Variants in BOD1 observed in about 807,000 individuals in gnomAD.
BOD1 encodes biorientation of chromosomes in cell division protein 1.
Under a neutral mutation model 15.7 loss-of-function variants are expected in BOD1, and 11 were observed. The ratio of observed to expected loss-of-function variants is 0.70; its 90% CI spans 0.44 to 1.16. BOD1 has a LOEUF of 1.16. Ranked by LOEUF, BOD1 falls within the 50% of genes most tolerant of loss-of-function variation. The probability of loss-of-function intolerance (pLI) is 0.00; values close to 1 mark genes in which losing one functional copy is unlikely to be tolerated. For missense variants in BOD1, 182 were observed against 244.5 expected (o/e 0.74, Z 1.70); for synonymous variants, 105 against 103.5 (o/e 1.01, Z -0.09).
Position 173,608,216 on chromosome 5 carries a change from A to G in BOD1, c.*78T>C. Reference sequence around the variant, plus strand: ...TCAGTGACGACCTTGGCCTATCTTCAGTCTGAAGTTGCACTCTTATGTAAC... The same window carrying G: ...TCAGTGACGACCTTGGCCTATCTTCGGTCTGAAGTTGCACTCTTATGTAAC... On this transcript the variant is annotated 3_prime_UTR_variant, in exon 4 of 4. Transcript: ENST00000311086. The G allele has an allele frequency of 6.4e-7, 1 of 1,559,342 alleles. No homozygotes were observed. The highest frequency in any genetic ancestry group is 1.1e-5 in the South Asian group (1 of 89,788).
chr5:173,616,248 G>T lies in BOD1; in HGVS notation c.189C>A (p.Gly63=). The T allele has an allele frequency of 6.4e-7, 1 of 1,571,680 alleles. No individual in the cohort carries two copies. Residue 63 remains glycine, a synonymous_variant, in exon 1 of 4, where the codon GGC becomes GGA. Coordinates refer to ENST00000311086, the MANE Select transcript of BOD1 (RefSeq NM_138369.3). ...ALIVEQLKSR[G]LFDSFRRDCL... Reference sequence around the variant, plus strand: ...AGTCCCGGCGGAAGCTGTCAAAAAGGCCCCGGCTCTTGAGCTGCTCCACGA... The same window carrying T: ...AGTCCCGGCGGAAGCTGTCAAAAAGTCCCCGGCTCTTGAGCTGCTCCACGA...
At position 173,613,183 on chromosome 5, in the gene BOD1, G is replaced by C; in HGVS notation, c.310C>G (p.Pro104Ala). 6.2e-7 allele frequency: 1 copy of C among 1,614,154 alleles called. No homozygotes were observed. The highest frequency in any genetic ancestry group is 8.5e-7 in the Non-Finnish European group (1 of 1,180,008). ...STHLDKQEWNPTMNKNQLRNG... is the reference protein window; with the variant it reads ...STHLDKQEWNATMNKNQLRNG... ...CGCAACTGGTTTTTGTTCATCGTAG[G>C]ATTCCATTCCTGCTTGTCCAGATGT... The change falls in exon 2 of 4, where the codon CCT (proline) becomes GCT (alanine). Residue 104 changes from proline to alanine, a missense_variant. By Grantham distance (27) the Pro-to-Ala change is conservative (BLOSUM62 -1). Coordinates refer to ENST00000311086, the MANE Select transcript of BOD1 (RefSeq NM_138369.3).
rs114719008 is a variant in BOD1, at chr5:173,609,713, A to C, written c.363-279T>G. 654 of 371,958 alleles carry C rather than the reference A, an allele frequency of 1.8e-3. 8 individuals carry two copies. The highest frequency in any genetic ancestry group is 0.012 in the African/African-American group (599 of 49,140). 23.0% of individuals were successfully genotyped at this position (371,958 alleles called of 1,614,324 possible). Reference sequence around the variant, plus strand: ...AAAACAAAACTAAGTGAGTTGCTCCAAAACAACAAACAAATGACAGCATGG... The same window carrying C: ...AAAACAAAACTAAGTGAGTTGCTCCCAAACAACAAACAAATGACAGCATGG... On this transcript the variant is annotated intron_variant, in intron 2 of 3. Coordinates refer to ENST00000311086, the MANE Select transcript of BOD1 (RefSeq NM_138369.3).
intron 2 of BOD1, among the ~76,000 whole-genome samples, chr5:173,610,326 G>A (rs1271842117): frequency 6.6e-6 from 1 of 152,224 alleles, no homozygotes; most frequent in Non-Finnish European, 1.5e-5. Context: ...AATAGGCTGG[G>A]CAGCAAGTGG....
chr5:173,615,473 T>A (rs1397514455), intron 1 of BOD1, among the ~76,000 whole-genome samples: 2 of 152,248 alleles, frequency 1.3e-5, no homozygotes, highest in African/African-American at 4.8e-5. Context: ...TCTCCTAACC[T>A]ACAACCACAG....
chr5:173,612,584 A>C (rs763581466), intron 2 of BOD1, among the ~76,000 whole-genome samples: 5 of 151,964 alleles, frequency 3.3e-5, no homozygotes, highest in Non-Finnish European at 7.4e-5. Flanking sequence ...CTCCACCTCC[A>C]CTTTTGTGCG....
In BOD1 at chr5:173,608,018, C is replaced by T; in HGVS notation, c.*276G>A. 1 of 497,602 alleles carries T rather than the reference C, an allele frequency of 2.0e-6. No individual in the cohort carries two copies. Among genetic ancestry groups the T allele is most frequent in the Non-Finnish European group, 3.6e-6 (1 of 276,722 alleles). The allele number at this position is 497,602 out of a possible 1,614,324, so 30.8% of individuals were successfully genotyped here. ...GTATAAAAGTCTGTTTCAGGACAAC[C>T]CTGGGTTGCTGTAGTGTTTCTCTCT... On this transcript the variant is annotated 3_prime_UTR_variant, in exon 4 of 4. Coordinates refer to ENST00000311086, the MANE Select transcript of BOD1 (RefSeq NM_138369.3).
At chr5:173,613,020 G>A in intron 2 of BOD1, 111 bp downstream of exon 2, 1 of 1,332,434 alleles carries the variant, frequency 7.5e-7, no homozygotes, top group Non-Finnish European at 1.0e-6. Context: ...ACTCCTAAGT[G>A]ATACTTGATA....
In BOD1 at chr5:173,616,641, C is replaced by T. The variant is rs1414255956; in HGVS notation, c.-205G>A. ...GATACAGCAGAGGTTGTGGTGGACGCGGCAGAAACGGCCTGCTCGATTCCA... is the reference window on the plus strand; with the variant it reads ...GATACAGCAGAGGTTGTGGTGGACGTGGCAGAAACGGCCTGCTCGATTCCA... On this transcript the variant is annotated 5_prime_UTR_variant, in exon 1 of 4. Transcript: ENST00000311086. 1.3e-5 allele frequency: 17 copies of T among 1,307,804 alleles called. No homozygotes were observed. The highest frequency in any genetic ancestry group is 1.6e-5 in the Non-Finnish European group (17 of 1,032,664). The allele number at this position is 1,307,804 out of a possible 1,614,324, so 81.0% of individuals were successfully genotyped here.
intron 2 of BOD1, among the ~76,000 whole-genome samples, chr5:173,610,816 T>C (rs1053750319): frequency 6.6e-6 from 1 of 152,206 alleles, no homozygotes; most frequent in Non-Finnish European, 1.5e-5. Flanking sequence ...GTAGGGCCTT[T>C]GGGAGGCGAT....
At chr5:173,611,623 C>T (rs1424792666) in intron 2 of BOD1, among the ~76,000 whole-genome samples, 3 of 152,150 alleles carry the variant, frequency 2.0e-5, no homozygotes, top group East Asian at 1.9e-4. Context: ...GGAAAACTTC[C>T]GAAAGGAGGA....
intron 2 of BOD1, among the ~76,000 whole-genome samples, chr5:173,610,919 A>G (rs1755333222): frequency 6.6e-6 from 1 of 152,188 alleles, no homozygotes; most frequent in South Asian, 2.1e-4. Flanking sequence ...ACCACATGAG[A>G]AGAACAAGCA....
intron 3 of BOD1, among the ~76,000 whole-genome samples, 161 bp from the exon 4 acceptor site, chr5:173,608,453 A>G (rs1048171153): frequency 6.6e-6 from 1 of 152,252 alleles, no homozygotes; most frequent in Non-Finnish European, 1.5e-5. Context: ...AGGAACAAAA[A>G]GACAGTCCTG....
chr5:173,614,796 C>T (rs968456276), intron 1 of BOD1: 2 of 152,384 alleles, frequency 1.3e-5, no homozygotes, highest in Non-Finnish European at 2.9e-5. Context: ...GTCCCCTCCC[C>T]CCTCAGGGGA....
intron 1 of BOD1, 27 bp downstream of exon 1, chr5:173,616,172 TC>T: frequency 1.3e-6 from 2 of 1,563,710 alleles, no homozygotes; most frequent in Non-Finnish European, 1.7e-6. Flanking sequence ...GCAGCCCCGC[TC>T]CCCAACGCCC....
intron 2 of BOD1, among the ~76,000 whole-genome samples, chr5:173,610,749 T>G (rs1352671023): frequency 2.0e-5 from 3 of 152,236 alleles, no homozygotes; most frequent in Non-Finnish European, 4.4e-5. Flanking sequence ...ACTAAATGCC[T>G]GTGTCCCCCA....
At chr5:173,613,407 G>T in intron 1 of BOD1, 152 bp from the exon 2 acceptor site, 1 of 936,044 alleles carries the variant, frequency 1.1e-6, no homozygotes, top group Non-Finnish European at 1.6e-6. Context: ...TGGCAGTCAG[G>T]AATTAATGGT....
intron 2 of BOD1, among the ~76,000 whole-genome samples, chr5:173,612,432 G>A (rs1490430868): frequency 2.0e-5 from 3 of 152,160 alleles, no homozygotes; most frequent in Non-Finnish European, 4.4e-5. Context: ...GCTGTTGCAC[G>A]TGAGCACAGC....
intron 3 of BOD1, 38 bp from the exon 4 acceptor site, chr5:173,608,330 T>C (rs1561723685): frequency 7.9e-7 from 1 of 1,261,736 alleles, no homozygotes; most frequent in Non-Finnish European, 1.1e-6. Flanking sequence ...ATGTTATTTA[T>C]TGATAACAGA....
Sources: gnomAD v4.1 joint callset for allele counts (sites outside exome capture counted in the v4.1 genomes callset) on GRCh38, gnomAD v4.1.1 for gene constraint, MANE v1.5 for transcripts, NCBI Gene and HGNC (gene_info 2026-07-23, HGNC 2026-07-21) for gene names.